Variants in DLGAP5 observed in about 807,000 individuals in gnomAD.
DLGAP5 encodes the protein DLG associated protein 5.
DLGAP5 carries 90 observed loss-of-function variants against 99.6 expected under a neutral mutation model. That is an observed-to-expected ratio of 0.90 (90% CI 0.76 to 1.08). DLGAP5 has a LOEUF of 1.08. Ranked by LOEUF, DLGAP5 falls within the 50% of genes least tolerant of loss-of-function variation. The pLI is 0.00. For synonymous variants in DLGAP5, 311 were observed against 321.3 expected, an observed-to-expected ratio of 0.97 and a Z score of 0.34; for missense variants, 1,036 against 983.5, an observed-to-expected ratio of 1.05 and a Z score of -0.71.
At chr14:55,174,244 A>C (rs1376972952) in intron 10 of DLGAP5, among the ~76,000 whole-genome samples, 1 of 152,226 alleles carries the variant, frequency 6.6e-6, no homozygotes, top group Non-Finnish European at 1.5e-5. Context: ...TAGCGCTCCC[A>C]GGCTTATTAG....
At chr14:55,158,409 C>G in intron 14 of DLGAP5, 113 bp downstream of exon 14, 1 of 826,380 alleles carries the variant, frequency 1.2e-6, no homozygotes, top group Non-Finnish European at 1.8e-6. Flanking sequence ...AAACTTATGT[C>G]TCTTCATGTA....
In DLGAP5 at chr14:55,176,975, T is replaced by TG. The variant is rs1323859333; in HGVS notation, c.1049+86dup. ...CCTGGGCGACAGAGCGAACTCCGTC[T>TG]GAAAAAAAAAAAAAAAAAAAAAAAA... On this transcript the variant is annotated intron_variant, in intron 8 of 18. Transcript: ENST00000247191. The TG allele has an allele frequency of 9.6e-4, 553 of 576,980 alleles. 3 individuals carry two copies. The highest frequency in any genetic ancestry group is 7.3e-3 in the South Asian group (165 of 22,678). 35.7% of individuals were successfully genotyped at this position (576,980 alleles called of 1,614,324 possible).
At chr14:55,181,076 C>T in intron 5 of DLGAP5, 137 bp downstream of exon 5, 1 of 849,924 alleles carries the variant, frequency 1.2e-6, no homozygotes, top group Non-Finnish European at 1.8e-6. Flanking sequence ...GATTGTGCCA[C>T]TGCACTCCAA....
chr14:55,150,055 A>G (rs1881962347), intron 18 of DLGAP5, among the ~76,000 whole-genome samples: 1 of 150,600 alleles, frequency 6.6e-6, no homozygotes. Context: ...TCTGTCTCAA[A>G]AAAAAAAAAA....
In DLGAP5 at chr14:55,148,479, G is replaced by A; in HGVS notation, c.2419-6C>T. ...TTACTGCAGTTTAGACCTGGCTGGA[G>A]AACAAATCCAGAGAAGTCAGTAAAG... On this transcript the variant is annotated splice_polypyrimidine_tract_variant and splice_region_variant and intron_variant, in intron 18 of 18. Transcript: ENST00000247191. The A allele has an allele frequency of 6.2e-7, 1 of 1,613,986 alleles. No individual in the cohort carries two copies. The highest frequency in any genetic ancestry group is 8.5e-7 in the Non-Finnish European group (1 of 1,179,982).
intron 8 of DLGAP5, among the ~76,000 whole-genome samples, chr14:55,176,605 T>C (rs1053660454): frequency 7.8e-6 from 1 of 128,472 alleles, no homozygotes; most frequent in African/African-American, 5.0e-5. Flanking sequence ...TGAAGAATTT[T>C]TTTTAAAGAA....
Position 55,179,712 on chromosome 14 carries a change from T to A in DLGAP5, c.704-13A>T, listed in dbSNP as rs746393238. ...TCTGGTTCGTTTTCTAAAACAACAA[T>A]AAAATATTTATTTTACTAGATAGAA... is the stretch of plus-strand genomic sequence containing the variant. On this transcript the variant is annotated splice_polypyrimidine_tract_variant and intron_variant, in intron 6 of 18. Coordinates refer to ENST00000247191, the MANE Select transcript of DLGAP5 (RefSeq NM_014750.5). 4.4e-6 allele frequency: 7 copies of A among 1,598,130 alleles called. No individual in the cohort carries two copies. Among genetic ancestry groups the A allele is most frequent in the Non-Finnish European group, 5.1e-6 (6 of 1,171,324 alleles).
At chr14:55,182,707 A>G (rs1034829196) in intron 3 of DLGAP5, among the ~76,000 whole-genome samples, 1 of 152,112 alleles carries the variant, frequency 6.6e-6, no homozygotes, top group Non-Finnish European at 1.5e-5. Flanking sequence ...ATCCTCTCTT[A>G]GTTCTCCTGC....
chr14:55,157,204 C>T (rs902716999), intron 14 of DLGAP5, among the ~76,000 whole-genome samples: 2 of 152,068 alleles, frequency 1.3e-5, no homozygotes, highest in African/African-American at 4.8e-5. Context: ...TTTAAATGAC[C>T]AATTTTTGCC....
rs562410404 is a variant in DLGAP5 at position 55,176,795 on chromosome 14, G to T, written c.1049+267C>A. Among the ~76,000 whole-genome samples, 39 of 151,662 alleles carry T rather than the reference G, an allele frequency of 2.6e-4. No individual in the cohort carries two copies. In the Middle Eastern group the frequency reaches 0.017, roughly 66 times the overall value. ...AGATCGAGACCATCCTGGCTAACAT[G>T]GTGAAACCCCGTCTCTACTAAAGAT... On this transcript the variant is annotated intron_variant, in intron 8 of 18. Transcript: ENST00000247191.
chr14:55,148,251 T>C lies in DLGAP5; in HGVS notation c.*100A>G, dbSNP rs556852947. The C allele has an allele frequency of 4.9e-5, 59 of 1,208,548 alleles. 1 individual carries two copies. The South Asian group carries it at 5.8e-4, about 12-fold the overall frequency. 74.9% of individuals were successfully genotyped at this position (1,208,548 alleles called of 1,614,324 possible). On this transcript the variant is annotated 3_prime_UTR_variant, in exon 19 of 19. Coordinates refer to ENST00000247191, the MANE Select transcript of DLGAP5 (RefSeq NM_014750.5). ...CAGAATATTAAAACATTATATGCTA[T>C]AGAAGTGAACACAAATACATTTTCT...
At chr14:55,154,056 C>T (rs948821411) in intron 15 of DLGAP5, among the ~76,000 whole-genome samples, 1 of 151,896 alleles carries the variant, frequency 6.6e-6, no homozygotes, top group Non-Finnish European at 1.5e-5. Context: ...ACTCCACCTC[C>T]AAAAAACAAA....
At chr14:55,159,120 A>G (rs1179391544) in intron 13 of DLGAP5, among the ~76,000 whole-genome samples, 2 of 151,872 alleles carry the variant, frequency 1.3e-5, no homozygotes, top group Non-Finnish European at 2.9e-5. Flanking sequence ...ATAAATAAGG[A>G]TGACACCTAA....
intron 17 of DLGAP5, 76 bp downstream of exon 17, chr14:55,151,619 T>C: frequency 7.0e-7 from 1 of 1,433,036 alleles, no homozygotes; most frequent in Admixed American, 2.2e-5. Context: ...AAATGGACCT[T>C]ATAGGATAAT....
intron 3 of DLGAP5, 148 bp from the exon 4 acceptor site, chr14:55,182,580 G>C: frequency 1.8e-6 from 1 of 556,866 alleles, no homozygotes; most frequent in South Asian, 2.9e-5. Flanking sequence ...CCTTTTTCTG[G>C]TTCTAGCTTG....
chr14:55,184,629 C>G (rs1027085591), intron 2 of DLGAP5, among the ~76,000 whole-genome samples: 2 of 152,128 alleles, frequency 1.3e-5, no homozygotes, highest in African/African-American at 4.8e-5. Flanking sequence ...GCCTTGCTCT[C>G]TCTTGAAGCG....
chr14:55,161,408 A>AAT (rs1555328155), intron 13 of DLGAP5, among the ~76,000 whole-genome samples: 34 of 115,914 alleles, frequency 2.9e-4, no homozygotes, highest in South Asian at 1.1e-3. Flanking sequence ...TAAAAAAAAA[A>AAT]TTTTTTTTTT....
At chr14:55,169,912 C>A (rs1882795079) in intron 11 of DLGAP5, among the ~76,000 whole-genome samples, 1 of 152,068 alleles carries the variant, frequency 6.6e-6, no homozygotes, top group Non-Finnish European at 1.5e-5. Flanking sequence ...AGGTGGGCGG[C>A]TCACCTGAGG....
At chr14:55,183,864 G>T in intron 2 of DLGAP5, 111 bp from the exon 3 acceptor site, 2 of 1,178,676 alleles carry the variant, frequency 1.7e-6, no homozygotes, top group Non-Finnish European at 2.3e-6. Context: ...GCTAAAAAAT[G>T]CTTTCAGGCC....
Sources: allele counts gnomAD v4.1 joint callset (sites outside exome capture counted in the v4.1 genomes callset), GRCh38; gene constraint gnomAD v4.1.1; transcripts MANE v1.5; gene names NCBI Gene and HGNC (gene_info 2026-07-23, HGNC 2026-07-21).